ASTN1: variants seen among roughly 807,000 people sequenced by gnomAD.
ASTN1 encodes the protein astrotactin 1, also known as astrotactin-1.
ASTN1 carries 41 observed loss-of-function variants against 140.7 expected under a neutral mutation model. That is an observed-to-expected ratio of 0.29 (90% CI 0.23 to 0.38). The LOEUF (loss-of-function observed/expected upper bound fraction) is 0.38, where lower values mean the gene tolerates loss of function less well. Ranked by LOEUF, ASTN1 falls within the 10% of genes least tolerant of loss-of-function variation. The probability of loss-of-function intolerance (pLI) is 1.00; values close to 1 mark genes in which losing one functional copy is unlikely to be tolerated. For synonymous variants in ASTN1, 640 were observed against 652.2 expected, an observed-to-expected ratio of 0.98 and a Z score of 0.29; for missense variants, 1,479 against 1,678.8, an observed-to-expected ratio of 0.88 and a Z score of 2.08.
chr1:176,861,136 T>C lies in ASTN1; in HGVS notation c.*3148A>G, dbSNP rs919844680. On this transcript the variant is annotated 3_prime_UTR_variant, in exon 23 of 23. Coordinates refer to ENST00000361833, the MANE Select transcript of ASTN1 (RefSeq NM_004319.3). ...CTTTTATAATCATACAATAATTCTC[T>C]TTTAAACAACACTGTTATACCTGAA... is the stretch of plus-strand genomic sequence containing the variant. The C allele has an allele frequency of 1.1e-5, 10 of 950,202 alleles. No homozygotes were observed. Among genetic ancestry groups the C allele is most frequent in the African/African-American group, 3.5e-5 (2 of 56,410 alleles). 58.9% of individuals were successfully genotyped at this position (950,202 alleles called of 1,614,324 possible).
At chr1:176,990,325 C>A (rs1674099996) in intron 8 of ASTN1, among the ~76,000 whole-genome samples, 1 of 151,856 alleles carries the variant, frequency 6.6e-6, no homozygotes, top group Admixed American at 6.6e-5. Context: ...GTCCTTGTAA[C>A]TTTGGCAGGG....
chr1:177,107,483 C>T (rs759436340), intron 1 of ASTN1, among the ~76,000 whole-genome samples: 21 of 152,090 alleles, frequency 1.4e-4, no homozygotes, highest in Non-Finnish European at 2.8e-4. Flanking sequence ...CTTTTTTTCT[C>T]CTTGCTCTGT....
chr1:177,160,771 G>T (rs982116112), intron 1 of ASTN1, among the ~76,000 whole-genome samples: 1 of 152,156 alleles, frequency 6.6e-6, no homozygotes, highest in African/African-American at 2.4e-5. Flanking sequence ...GGATGCTAAG[G>T]CTCATGTGCC....
At chr1:177,058,258 T>C (rs764637412) in intron 2 of ASTN1, among the ~76,000 whole-genome samples, 27 of 152,120 alleles carry the variant, frequency 1.8e-4, no homozygotes, top group Non-Finnish European at 3.5e-4. Flanking sequence ...TCAAAGGCCT[T>C]CCTGATTTTT....
chr1:177,032,985 A>G, intron 2 of ASTN1, 136 bp from the exon 3 acceptor site: 1 of 1,113,750 alleles, frequency 9.0e-7, no homozygotes, highest in Non-Finnish European at 1.2e-6. Flanking sequence ...CATTTACAGC[A>G]AGCATCATTC....
intron 16 of ASTN1, among the ~76,000 whole-genome samples, chr1:176,914,743 C>A (rs913610491): frequency 1.3e-5 from 2 of 152,132 alleles, no homozygotes; most frequent in African/African-American, 2.4e-5. Context: ...AAGGCTGTAA[C>A]AACAATGCGA....
chr1:177,147,149 C>T (rs1682754343), intron 1 of ASTN1, among the ~76,000 whole-genome samples: 1 of 152,076 alleles, frequency 6.6e-6, no homozygotes, highest in Non-Finnish European at 1.5e-5. Flanking sequence ...TACTGTTTTG[C>T]ACCATGATTG....
chr1:177,157,786 T>A (rs1220949505), intron 1 of ASTN1, among the ~76,000 whole-genome samples: 1 of 152,182 alleles, frequency 6.6e-6, no homozygotes, highest in Non-Finnish European at 1.5e-5. Context: ...TTCTTGCTTT[T>A]CATAAAAATT....
chr1:177,023,316 T>C (rs369551350), intron 7 of ASTN1, 88 bp downstream of exon 7: 19 of 1,457,592 alleles, frequency 1.3e-5, no homozygotes, highest in African/African-American at 5.8e-5. Context: ...GGACGGGGAG[T>C]TGGGAGGCAT....
chr1:176,883,616 A>G (rs947079286), intron 19 of ASTN1, among the ~76,000 whole-genome samples: 24 of 152,186 alleles, frequency 1.6e-4, no homozygotes, highest in Admixed American at 1.3e-3. Flanking sequence ...AGCGGTAGGC[A>G]GCTCTCTATG....
At chr1:176,951,115 C>T (rs533002033) in intron 11 of ASTN1, among the ~76,000 whole-genome samples, 73 of 152,344 alleles carry the variant, frequency 4.8e-4, no homozygotes, top group African/African-American at 1.6e-3. Context: ...GGTCCATCTC[C>T]CTTTCTCCCC....
intron 16 of ASTN1, among the ~76,000 whole-genome samples, chr1:176,907,306 T>C (rs570623368): frequency 5.3e-5 from 8 of 152,288 alleles, no homozygotes; most frequent in African/African-American, 1.9e-4. Flanking sequence ...ATCTTATAAA[T>C]AACCCCAATA....
At chr1:176,984,821 T>A (rs1223981871) in intron 8 of ASTN1, among the ~76,000 whole-genome samples, 1 of 152,160 alleles carries the variant, frequency 6.6e-6, no homozygotes, top group African/African-American at 2.4e-5. Flanking sequence ...ATAATAAACA[T>A]CCCCTGGTGC....
intron 17 of ASTN1, among the ~76,000 whole-genome samples, chr1:176,893,602 A>T (rs2103037582): frequency 6.6e-6 from 1 of 152,282 alleles, no homozygotes; most frequent in African/African-American, 2.4e-5. Flanking sequence ...ATTACCTATG[A>T]AACAAACACC....
At chr1:176,988,790 G>A (rs1290558611) in intron 8 of ASTN1, among the ~76,000 whole-genome samples, 1 of 152,118 alleles carries the variant, frequency 6.6e-6, no homozygotes, top group African/African-American at 2.4e-5. Flanking sequence ...AAGTACAGGG[G>A]AAAGAGAAAT....
chr1:176,942,866 A>ATATACATATATAT (rs1385017638), intron 14 of ASTN1, among the ~76,000 whole-genome samples: 1 of 69,976 alleles, frequency 1.4e-5, no homozygotes, highest in African/African-American at 4.5e-5. Flanking sequence ...ATATATATAT[A>ATATACATATATAT]GATTGATGTC....
chr1:177,040,543 G>A (rs1676924763), intron 2 of ASTN1, among the ~76,000 whole-genome samples: 1 of 152,162 alleles, frequency 6.6e-6, no homozygotes, highest in African/African-American at 2.4e-5. Context: ...TAAATATAGG[G>A]ACTAGGCAAC....
chr1:177,076,278 CAAAAAAAAA>C lies in ASTN1; in HGVS notation c.284-15022_284-15014del, dbSNP rs1171864161. Among the ~76,000 whole-genome samples the C allele has an allele frequency of 1.7e-3, 130 of 77,732 alleles. No homozygotes were observed. In the Middle Eastern group the frequency reaches 0.021, roughly 12 times the overall value. The allele number at this position is 77,732 out of a possible 152,430, so 51.0% of individuals were successfully genotyped here. A position where few individuals can be genotyped will look rare whatever the true frequency, so the allele number is the denominator to read the frequency against. ...TGGATGACAGAGCGAGACTATGTCT[CAAAAAAAAA>C]AAAAAAAAGAAAGAAAGAAAAAGAA... On this transcript the variant is annotated intron_variant, in intron 1 of 22. Coordinates refer to ENST00000361833, the MANE Select transcript of ASTN1 (RefSeq NM_004319.3).
intron 2 of ASTN1, among the ~76,000 whole-genome samples, chr1:177,044,482 C>T (rs1057041795): frequency 5.3e-5 from 8 of 152,310 alleles, no homozygotes; most frequent in South Asian, 2.1e-4. Flanking sequence ...GCTGGTTACT[C>T]CCGCCAGGAC....
Sources: gnomAD v4.1 joint callset for allele counts (sites outside exome capture counted in the v4.1 genomes callset) on GRCh38, gnomAD v4.1.1 for gene constraint, MANE v1.5 for transcripts, NCBI Gene and HGNC (gene_info 2026-07-23, HGNC 2026-07-21) for gene names.